Variants in NKAIN2 observed in about 807,000 individuals in gnomAD.
The protein encoded by NKAIN2 is sodium/potassium transporting ATPase interacting 2.
NKAIN2 carries 14 observed loss-of-function variants against 32.6 expected under a neutral mutation model. The observed-to-expected ratio is 0.43, with a 90% CI of 0.28 to 0.67. NKAIN2 has a LOEUF of 0.67. NKAIN2 is among the 30% of genes least tolerant of loss of function. The pLI is 0.17. For synonymous variants in NKAIN2, 80 were observed against 87.2 expected, an observed-to-expected ratio of 0.92 and a Z score of 0.46; for missense variants, 198 against 258.3, an observed-to-expected ratio of 0.77 and a Z score of 1.60.
intron 3 of NKAIN2, among the ~76,000 whole-genome samples, chr6:124,447,912 T>C (rs2114613106): frequency 6.6e-6 from 1 of 152,246 alleles, no homozygotes; most frequent in African/African-American, 2.4e-5. Context: ...CTTCAAGTCA[T>C]TAGGTTGCCC....
At chr6:124,318,660 C>G (rs1186190746) in intron 2 of NKAIN2, among the ~76,000 whole-genome samples, 1 of 151,816 alleles carries the variant, frequency 6.6e-6, no homozygotes, top group Non-Finnish European at 1.5e-5. Context: ...ATCTGAATAC[C>G]CCATGAAAGA....
chr6:123,956,297 G>A (rs1047232176), intron 1 of NKAIN2, among the ~76,000 whole-genome samples: 1 of 152,150 alleles, frequency 6.6e-6, no homozygotes. Flanking sequence ...TTCATATGTT[G>A]AAGCCCTAAC....
chr6:124,217,840 G>GAT (rs1791568401), intron 1 of NKAIN2, among the ~76,000 whole-genome samples: 1 of 151,878 alleles, frequency 6.6e-6, no homozygotes, highest in Non-Finnish European at 1.5e-5. Context: ...GAGAGATATA[G>GAT]ATATATACAC....
chr6:124,269,432 C>G (rs891528696), intron 1 of NKAIN2, among the ~76,000 whole-genome samples: 1 of 121,974 alleles, frequency 8.2e-6, no homozygotes, highest in Non-Finnish European at 1.6e-5. Flanking sequence ...ATTTCTTTTT[C>G]TTTTCTTTCT....
chr6:123,901,838 A>G (rs534438016), intron 1 of NKAIN2, among the ~76,000 whole-genome samples: 3 of 152,264 alleles, frequency 2.0e-5, no homozygotes, highest in African/African-American at 4.8e-5. Flanking sequence ...GAGAATTGAG[A>G]AAGTATAGCT....
At chr6:124,484,333 C>G (rs550945719) in intron 3 of NKAIN2, among the ~76,000 whole-genome samples, 1 of 152,226 alleles carries the variant, frequency 6.6e-6, no homozygotes, top group South Asian at 2.1e-4. Context: ...TTTGAAGATT[C>G]ATCTATGCAA....
intron 3 of NKAIN2, among the ~76,000 whole-genome samples, chr6:124,561,674 G>A (rs1025114288): frequency 3.3e-5 from 5 of 152,080 alleles, no homozygotes; most frequent in African/African-American, 1.2e-4. Flanking sequence ...CTTCCAAGCT[G>A]GGGTGGATGG....
At chr6:124,108,074 A>G (rs964229654) in intron 1 of NKAIN2, among the ~76,000 whole-genome samples, 3 of 152,094 alleles carry the variant, frequency 2.0e-5, no homozygotes, top group African/African-American at 7.2e-5. Context: ...TTTGGTACTT[A>G]TAATTTTTCA....
intron 3 of NKAIN2, among the ~76,000 whole-genome samples, chr6:124,483,630 A>G (rs977833969): frequency 2.0e-5 from 3 of 152,154 alleles, no homozygotes; most frequent in African/African-American, 7.2e-5. Flanking sequence ...GAATAAAAAG[A>G]TAAACTATTA....
chr6:123,823,805 A>T (rs912993185), intron 1 of NKAIN2, among the ~76,000 whole-genome samples: 8 of 152,150 alleles, frequency 5.3e-5, no homozygotes, highest in African/African-American at 1.7e-4. Flanking sequence ...GAAACACTGA[A>T]GAGAAATTCA....
chr6:124,295,480 G>T (rs942812984), intron 2 of NKAIN2, among the ~76,000 whole-genome samples: 1 of 152,054 alleles, frequency 6.6e-6, no homozygotes, highest in Non-Finnish European at 1.5e-5. Context: ...ATAATGGCTT[G>T]AACCTGCTTT....
At chr6:124,367,177 C>A (rs746533899) in intron 3 of NKAIN2, among the ~76,000 whole-genome samples, 1 of 152,078 alleles carries the variant, frequency 6.6e-6, no homozygotes, top group Non-Finnish European at 1.5e-5. Context: ...TAAATAAGCC[C>A]ATTTGATACA....
intron 1 of NKAIN2, among the ~76,000 whole-genome samples, chr6:124,263,286 A>G (rs1399453751): frequency 2.0e-5 from 3 of 152,242 alleles, no homozygotes; most frequent in Non-Finnish European, 2.9e-5. Context: ...TGATAGATTT[A>G]TTAAAATCAT....
chr6:124,679,948 G>T (rs1773537696), intron 4 of NKAIN2, among the ~76,000 whole-genome samples: 1 of 152,138 alleles, frequency 6.6e-6, no homozygotes, highest in African/African-American at 2.4e-5. Flanking sequence ...ATTTTTAAAT[G>T]TGATGTGAAA....
At chr6:123,938,761 G>GTAAC (rs1776682385) in intron 1 of NKAIN2, among the ~76,000 whole-genome samples, 1 of 150,922 alleles carries the variant, frequency 6.6e-6, no homozygotes, top group African/African-American at 2.4e-5. Flanking sequence ...AGTTAGACTG[G>GTAAC]TAACTGTCTT....
At chr6:123,807,010 C>T (rs942283846) in intron 1 of NKAIN2, among the ~76,000 whole-genome samples, 13 of 151,974 alleles carry the variant, frequency 8.6e-5, no homozygotes, top group East Asian at 1.9e-4. Flanking sequence ...AGACCAGACA[C>T]GGTGTTTTGA....
intron 3 of NKAIN2, among the ~76,000 whole-genome samples, chr6:124,413,164 G>A (rs1427089282): frequency 1.3e-5 from 2 of 152,130 alleles, no homozygotes; most frequent in Non-Finnish European, 2.9e-5. Flanking sequence ...CACACACGGT[G>A]AGCTGCACCC....
intron 4 of NKAIN2, among the ~76,000 whole-genome samples, chr6:124,706,803 A>G (rs1583683741): frequency 6.6e-6 from 1 of 152,122 alleles, no homozygotes; most frequent in South Asian, 2.1e-4. Context: ...AAACAGACTG[A>G]ATGCATTAAA....
At chr6:124,107,197 T>A (rs972238623) in intron 1 of NKAIN2, among the ~76,000 whole-genome samples, 12 of 152,128 alleles carry the variant, frequency 7.9e-5, no homozygotes, top group Non-Finnish European at 1.6e-4. Flanking sequence ...AGATGTGATG[T>A]CAGAGAGGAA....
Sources: gnomAD v4.1 joint callset for allele counts (sites outside exome capture counted in the v4.1 genomes callset) on GRCh38, gnomAD v4.1.1 for gene constraint, MANE v1.5 for transcripts, NCBI Gene and HGNC (gene_info 2026-07-23, HGNC 2026-07-21) for gene names.